UST: variants seen among roughly 807,000 people sequenced by gnomAD.
UST encodes the protein uronyl 2-sulfotransferase.
Under a neutral mutation model 45.6 loss-of-function variants are expected in UST, and 21 were observed. The ratio of observed to expected loss-of-function variants is 0.46; its 90% CI spans 0.33 to 0.66. The LOEUF is 0.66. Among genes scored for constraint, UST ranks in the 30% least tolerant of loss-of-function variants. The probability of loss-of-function intolerance (pLI) is 0.02; values close to 1 mark genes in which losing one functional copy is unlikely to be tolerated. For synonymous variants in UST, 215 were observed against 200.6 expected, an observed-to-expected ratio of 1.07 and a Z score of -0.61; for missense variants, 463 against 512.4, an observed-to-expected ratio of 0.90 and a Z score of 0.93.
chr6:148,852,943 A>C (rs2114788410), intron 1 of UST, among the ~76,000 whole-genome samples: 1 of 152,258 alleles, frequency 6.6e-6, no homozygotes, highest in Non-Finnish European at 1.5e-5. Context: ...TGAATGAATG[A>C]GGACACTTGT....
intron 5 of UST, among the ~76,000 whole-genome samples, chr6:149,013,491 A>C (rs1033838138): frequency 6.6e-6 from 1 of 151,864 alleles, no homozygotes; most frequent in Admixed American, 6.6e-5. Flanking sequence ...GCGTCATTGC[A>C]CTCCAGCCTG....
chr6:148,933,199 G>A (rs988838270), intron 2 of UST, among the ~76,000 whole-genome samples: 1 of 152,156 alleles, frequency 6.6e-6, no homozygotes, highest in Non-Finnish European at 1.5e-5. Flanking sequence ...AGTTTTAAGA[G>A]ATAACTGAAA....
chr6:148,876,015 G>C (rs1392971133), intron 1 of UST, among the ~76,000 whole-genome samples: 1 of 152,122 alleles, frequency 6.6e-6, no homozygotes, highest in Non-Finnish European at 1.5e-5. Flanking sequence ...TTGCTATAAA[G>C]AAATACTGGT....
chr6:148,838,447 G>A (rs1473039868), intron 1 of UST, among the ~76,000 whole-genome samples: 2 of 152,188 alleles, frequency 1.3e-5, no homozygotes. Context: ...AATCACCTAG[G>A]GACTTCAGCT....
At chr6:149,018,036 G>C (rs1392699548) in intron 5 of UST, among the ~76,000 whole-genome samples, 1 of 152,130 alleles carries the variant, frequency 6.6e-6, no homozygotes, top group Non-Finnish European at 1.5e-5. Flanking sequence ...TCAAGTGCTT[G>C]AGTACTCTCA....
chr6:149,037,183 A>C (rs999986818), intron 7 of UST, among the ~76,000 whole-genome samples: 7 of 152,306 alleles, frequency 4.6e-5, no homozygotes, highest in South Asian at 2.1e-4. Context: ...CGTCTGCCGC[A>C]GCTGCTCCGG....
At chr6:148,756,767 C>T (rs1404443759) in intron 1 of UST, among the ~76,000 whole-genome samples, 1 of 152,234 alleles carries the variant, frequency 6.6e-6, no homozygotes, top group African/African-American at 2.4e-5. Flanking sequence ...CATCCCTGCT[C>T]TGACATCTCT....
intron 5 of UST, among the ~76,000 whole-genome samples, chr6:148,989,618 A>C (rs1478484070): frequency 6.6e-6 from 1 of 152,208 alleles, no homozygotes; most frequent in Admixed American, 6.5e-5. Flanking sequence ...TAGGTCCCCA[A>C]CTCTGTCATG....
At chr6:148,813,852 C>A (rs895737007) in intron 1 of UST, among the ~76,000 whole-genome samples, 1 of 152,032 alleles carries the variant, frequency 6.6e-6, no homozygotes, top group Non-Finnish European at 1.5e-5. Flanking sequence ...ATTTTTGAAG[C>A]CTTTATTACA....
intron 1 of UST, among the ~76,000 whole-genome samples, chr6:148,771,798 A>G (rs1776432420): frequency 6.6e-6 from 1 of 152,200 alleles, no homozygotes; most frequent in African/African-American, 2.4e-5. Context: ...GAGTTTTTGC[A>G]GGTAACTACT....
intron 5 of UST, among the ~76,000 whole-genome samples, chr6:148,970,174 TC>T (rs1780886416): frequency 6.6e-6 from 1 of 152,074 alleles, no homozygotes; most frequent in Non-Finnish European, 1.5e-5. Flanking sequence ...CCTGAGGGTA[TC>T]CCTGGGAGTT....
Position 148,934,485 on chromosome 6 carries a change from C to T in UST, c.292-6794C>T, listed in dbSNP as rs1779982067. On this transcript the variant is annotated intron_variant, in intron 2 of 7. Coordinates refer to ENST00000367463, the MANE Select transcript of UST (RefSeq NM_005715.3). The surrounding 1 kb of genome is among the most constrained non-coding windows in gnomAD (Gnocchi z 4.1). ...CCTACACATTCAGTTAACCAGCACA[C>T]CTGTTCTCTAACTAGCCTGGGAGAG... Among the ~76,000 whole-genome samples, 1 of 152,204 alleles carries T rather than the reference C, an allele frequency of 6.6e-6. No individual in the cohort carries two copies. Among genetic ancestry groups the T allele is most frequent in the Non-Finnish European group, 1.5e-5 (1 of 68,044 alleles).
chr6:148,749,921 G>A (rs561961191), intron 1 of UST, among the ~76,000 whole-genome samples: 2 of 152,218 alleles, frequency 1.3e-5, no homozygotes, highest in South Asian at 2.1e-4. Context: ...TCCCTGTTAC[G>A]TAAATATAAT....
At chr6:148,972,814 A>G (rs1004598659) in intron 5 of UST, among the ~76,000 whole-genome samples, 2 of 151,888 alleles carry the variant, frequency 1.3e-5, no homozygotes, top group African/African-American at 4.8e-5. Flanking sequence ...TTTAAAAACT[A>G]CTGATTCCTG....
At chr6:148,792,602 C>T (rs1164830880) in intron 1 of UST, among the ~76,000 whole-genome samples, 1 of 152,162 alleles carries the variant, frequency 6.6e-6, no homozygotes, top group African/African-American at 2.4e-5. Context: ...CTGGAGCTCA[C>T]GTTTCAGGCA....
intron 3 of UST, among the ~76,000 whole-genome samples, chr6:148,947,311 T>C (rs1037483397): frequency 5.3e-5 from 8 of 152,142 alleles, no homozygotes; most frequent in Non-Finnish European, 8.8e-5. Flanking sequence ...TAGGCATACA[T>C]GGGTTAATAA....
Position 148,748,633 on chromosome 6 carries a change from G to A in UST, c.247+956G>A, listed in dbSNP as rs1458938918. ...GGTCGCAAGGACGATGCTGGCACTC[G>A]CGTTCGAGCCAAGGGAGGATGCAGA... On this transcript the variant is annotated intron_variant, in intron 1 of 7. Coordinates refer to ENST00000367463, the MANE Select transcript of UST (RefSeq NM_005715.3). This position sits in a 1 kb window ranked among gnomAD's most constrained non-coding sequence, Gnocchi z 5.3. Among the ~76,000 whole-genome samples, 2 of 152,072 alleles carry A rather than the reference G, an allele frequency of 1.3e-5. No homozygotes were observed. Among genetic ancestry groups the A allele is most frequent in the Non-Finnish European group, 2.9e-5 (2 of 68,010 alleles).
chr6:148,885,324 C>T (rs1380774357), intron 1 of UST, among the ~76,000 whole-genome samples: 2 of 152,162 alleles, frequency 1.3e-5, no homozygotes, highest in African/African-American at 4.8e-5. Flanking sequence ...CAGGCAGCCG[C>T]ACCAGCTGCA....
intron 7 of UST, among the ~76,000 whole-genome samples, chr6:149,070,029 C>T (rs907475745): frequency 1.3e-5 from 2 of 152,206 alleles, no homozygotes; most frequent in Non-Finnish European, 2.9e-5. Context: ...AGGATCTAGG[C>T]TCCCTTTTGC....
Sources: allele counts gnomAD v4.1 joint callset (sites outside exome capture counted in the v4.1 genomes callset), GRCh38; gene constraint gnomAD v4.1.1; non-coding constraint Gnocchi (gnomAD v3.1); transcripts MANE v1.5; gene names NCBI Gene and HGNC (gene_info 2026-07-23, HGNC 2026-07-21).